Variants in FAM167A observed in about 807,000 individuals in gnomAD.
FAM167A encodes family with sequence similarity 167 member A.
A neutral mutation model predicts 14.9 loss-of-function variants in FAM167A; 23 were observed. That is an observed-to-expected ratio of 1.55 (90% CI 1.11 to 2.19). The LOEUF (loss-of-function observed/expected upper bound fraction) is 2.19, where lower values mean the gene tolerates loss of function less well. FAM167A is among the 30% of genes most tolerant of loss of function. The probability of loss-of-function intolerance (pLI) is 0.00; values close to 1 mark genes in which losing one functional copy is unlikely to be tolerated. For synonymous variants in FAM167A, 174 were observed against 117.7 expected, an observed-to-expected ratio of 1.48 and a Z score of -3.10; for missense variants, 401 against 281.5, an observed-to-expected ratio of 1.42 and a Z score of -3.04.
chr8:11,442,514 C>A (rs561752614), intron 2 of FAM167A, among the ~76,000 whole-genome samples: 1 of 152,228 alleles, frequency 6.6e-6, no homozygotes, highest in East Asian at 1.9e-4. Flanking sequence ...GCCTCAGCTC[C>A]CACAGGCAAT....
intron 1 of FAM167A, among the ~76,000 whole-genome samples, chr8:11,449,062 C>T (rs1222107650): frequency 6.6e-6 from 1 of 152,198 alleles, no homozygotes; most frequent in Non-Finnish European, 1.5e-5. Context: ...AACGGGATTG[C>T]CCCCAGCACA....
At chr8:11,474,994 G>C (rs906242868) in intron 1 of FAM167A, among the ~76,000 whole-genome samples, 1 of 152,176 alleles carries the variant, frequency 6.6e-6, no homozygotes, top group Non-Finnish European at 1.5e-5. Flanking sequence ...CAGCAGCCAA[G>C]TGTCCTGGAG....
At position 11,424,616 on chromosome 8, in the gene FAM167A, G is replaced by C; in HGVS notation, c.402C>G (p.Asp134Glu). ...RKELTEMRLQ[D>E]QQLARQLMRL... ...GCATGAGCTGTCTGGCCAGTTGCTG[G>C]TCCTGCAGCCGCATCTCCGTCTGGA... Residue 134 changes from aspartate (D) to glutamate (E), a missense_variant, in exon 3 of 3, where the codon GAC becomes GAG. Physicochemically the swap from Asp to Glu is conservative, Grantham distance 45 (BLOSUM62 2). Coordinates refer to ENST00000284486, the MANE Select transcript of FAM167A (RefSeq NM_053279.3). 1 of 1,613,908 alleles carries C rather than the reference G, an allele frequency of 6.2e-7. No homozygotes were observed. The highest frequency in any genetic ancestry group is 8.5e-7 in the Non-Finnish European group (1 of 1,179,954).
rs369330929 is a variant in FAM167A, at chr8:11,444,064, G to A, written c.348C>T (p.Ile116=). The change falls in exon 2 of 3, where the codon ATC becomes ATT. Residue 116 remains isoleucine (I), a synonymous_variant. Transcript: ENST00000284486. The part of the protein sequence containing the change: ...STGKLEGFQS[I]DEAIAWLRKE... ...TCCTGAGCCAGGCTATAGCTTCATC[G>A]ATGCTCTGAAAGCCTTCCAGCTTGC... The A allele has an allele frequency of 1.5e-5, 25 of 1,613,344 alleles. No individual in the cohort carries two copies. Among genetic ancestry groups the A allele is most frequent in the Middle Eastern group, 1.6e-4 (1 of 6,084 alleles).
chr8:11,455,184 G>A (rs1403629403), intron 1 of FAM167A, among the ~76,000 whole-genome samples: 2 of 144,678 alleles, frequency 1.4e-5, no homozygotes, highest in Admixed American at 1.4e-4. Flanking sequence ...CTTGCTGAGT[G>A]TGGGTGGTGG....
chr8:11,468,665 G>A (rs898370153), upstream of FAM167A, among the ~76,000 whole-genome samples: 4 of 152,328 alleles, frequency 2.6e-5, no homozygotes, highest in South Asian at 2.1e-4. Flanking sequence ...GCCCTGGCAC[G>A]TGGTGAATGC....
chr8:11,452,386 G>A (rs534753131), intron 1 of FAM167A, among the ~76,000 whole-genome samples: 28 of 152,346 alleles, frequency 1.8e-4, no homozygotes, highest in African/African-American at 6.7e-4. Flanking sequence ...CGGACATCAG[G>A]GCAAACAACT....
chr8:11,431,563 G>A (rs980168420), intron 2 of FAM167A, among the ~76,000 whole-genome samples: 3 of 152,194 alleles, frequency 2.0e-5, no homozygotes, highest in African/African-American at 4.8e-5. Context: ...AACAACAACA[G>A]CAGAGTCTGC....
At chr8:11,436,859 G>A (rs1387257085) in intron 2 of FAM167A, among the ~76,000 whole-genome samples, 1 of 152,216 alleles carries the variant, frequency 6.6e-6, no homozygotes, top group African/African-American at 2.4e-5. Context: ...GAAGGTGTCA[G>A]TAGGCTGCTA....
chr8:11,429,476 G>A (rs547513571), intron 2 of FAM167A, among the ~76,000 whole-genome samples: 40 of 152,290 alleles, frequency 2.6e-4, no homozygotes, highest in Middle Eastern at 6.8e-3. Context: ...CCCTGGAGGC[G>A]GGGATGACAA....
chr8:11,449,549 C>A (rs1806939030), intron 1 of FAM167A, among the ~76,000 whole-genome samples: 1 of 152,154 alleles, frequency 6.6e-6, no homozygotes, highest in African/African-American at 2.4e-5. Context: ...GGTGGAGGGG[C>A]CGGAGAAGGA....
intron 2 of FAM167A, among the ~76,000 whole-genome samples, chr8:11,437,366 G>A (rs893124438): frequency 6.6e-6 from 1 of 152,178 alleles, no homozygotes; most frequent in Non-Finnish European, 1.5e-5. Flanking sequence ...AACCATCCCA[G>A]GGGCCCAGCA....
intron 1 of FAM167A, among the ~76,000 whole-genome samples, chr8:11,464,290 C>G (rs1807663512): frequency 6.6e-6 from 1 of 152,150 alleles, no homozygotes; most frequent in African/African-American, 2.4e-5. Flanking sequence ...GGCAACGGTC[C>G]TAACCAGGGA....
At position 11,423,539 on chromosome 8, in the gene FAM167A, CAGG is replaced by C. The variant is rs1011968735; in HGVS notation, c.*831_*833del. ...CCAGGAGGCCCCGGTCACGCCCCTG[CAGG>C]AGAATTCAGTTATGGAAAATGCTTT... On this transcript the variant is annotated 3_prime_UTR_variant, in exon 3 of 3. Transcript: ENST00000284486. 6.6e-6 allele frequency: 1 copy of C among 152,322 alleles called. No individual in the cohort carries two copies. The highest frequency in any genetic ancestry group is 6.5e-5 in the Admixed American group (1 of 15,288). The allele number at this position is 152,322 out of a possible 1,614,324, so 9.4% of individuals were successfully genotyped here.
chr8:11,449,190 C>G (rs974859131), intron 1 of FAM167A, among the ~76,000 whole-genome samples: 5 of 152,240 alleles, frequency 3.3e-5, no homozygotes, highest in African/African-American at 9.6e-5. Context: ...GCACTGTCCC[C>G]CTGGGTGCCC....
At chr8:11,445,577 G>A (rs965592739) in intron 1 of FAM167A, 112 of 985,428 alleles carry the variant, frequency 1.1e-4, no homozygotes, top group Non-Finnish European at 1.3e-4. Context: ...GCACCTGTTT[G>A]GTAAAGACTT....
At chr8:11,442,536 C>A (rs1417404697) in intron 2 of FAM167A, among the ~76,000 whole-genome samples, 2 of 152,186 alleles carry the variant, frequency 1.3e-5, no homozygotes, top group African/African-American at 4.8e-5. Flanking sequence ...AAATCTCGAA[C>A]TCGAAACCAA....
intron 1 of FAM167A, chr8:11,445,465 G>A (rs964609308): frequency 4.1e-6 from 4 of 985,758 alleles, no homozygotes; most frequent in Non-Finnish European, 3.6e-6. Context: ...AGCTGTGGAG[G>A]GAAGAAGGCG....
rs963199025 is a variant in FAM167A at position 11,424,320 on chromosome 8, C to T, written c.*53G>A. The T allele has an allele frequency of 8.7e-6, 14 of 1,601,038 alleles. No homozygotes were observed. Among genetic ancestry groups the T allele is most frequent in the Middle Eastern group, 1.7e-4 (1 of 5,824 alleles). ...AACTTGGCCTCAGCTTCCTCTGACA[C>T]CCCTCCAGCCCAAGCCCTCCGCTCC... On this transcript the variant is annotated 3_prime_UTR_variant, in exon 3 of 3. Coordinates refer to ENST00000284486, the MANE Select transcript of FAM167A (RefSeq NM_053279.3).
Sources: allele counts gnomAD v4.1 joint callset (sites outside exome capture counted in the v4.1 genomes callset), GRCh38; gene constraint gnomAD v4.1.1; transcripts MANE v1.5; gene names NCBI Gene and HGNC (gene_info 2026-07-23, HGNC 2026-07-21).